Variants in RBFOX1 observed in about 807,000 individuals in gnomAD.
The protein encoded by RBFOX1 is RNA binding fox-1 homolog 1, also known as RNA binding protein fox-1 homolog 1.
A neutral mutation model predicts 57.7 loss-of-function variants in RBFOX1; 8 were observed. The observed-to-expected ratio is 0.14, with a 90% CI of 0.08 to 0.25. RBFOX1 has a LOEUF of 0.25. Ranked by LOEUF, RBFOX1 falls within the 10% of genes least tolerant of loss-of-function variation. RBFOX1 has a pLI of 1.00. For synonymous variants in RBFOX1, 326 were observed against 222.4 expected, an observed-to-expected ratio of 1.47 and a Z score of -4.15; for missense variants, 611 against 548.5, an observed-to-expected ratio of 1.11 and a Z score of -1.14.
intron 2 of RBFOX1, among the ~76,000 whole-genome samples, chr16:5,521,490 A>T (rs370422673): frequency 8.0e-5 from 12 of 149,144 alleles, no homozygotes; most frequent in African/African-American, 2.7e-4. Flanking sequence ...CCAGTGTCTC[A>T]TTGACCCGAA....
chr16:7,451,915 C>T (rs890545050), intron 4 of RBFOX1, among the ~76,000 whole-genome samples: 8 of 151,842 alleles, frequency 5.3e-5, no homozygotes, highest in South Asian at 2.1e-4. Context: ...GTGCCAGCAA[C>T]GATTTGTACC....
intron 3 of RBFOX1, among the ~76,000 whole-genome samples, chr16:6,713,232 C>G (rs186734756): frequency 2.0e-5 from 3 of 150,874 alleles, no homozygotes; most frequent in Admixed American, 2.0e-4. Flanking sequence ...TCTTTTCCTT[C>G]TCACATGCAA....
At chr16:5,790,875 T>G (rs1206593071) in intron 3 of RBFOX1, among the ~76,000 whole-genome samples, 2 of 64,276 alleles carry the variant, frequency 3.1e-5, no homozygotes, top group Non-Finnish European at 2.8e-5. Context: ...TTTTTTTTTG[T>G]TTTTTTTTTT....
chr16:7,188,265 A>G (rs2084421997), intron 4 of RBFOX1, among the ~76,000 whole-genome samples: 1 of 152,196 alleles, frequency 6.6e-6, no homozygotes, highest in Non-Finnish European at 1.5e-5. Context: ...CAGAGATGGA[A>G]AAGTTAACAT....
chr16:6,184,825 C>T (rs937513232), intron 1 of RBFOX1, among the ~76,000 whole-genome samples: 12 of 152,024 alleles, frequency 7.9e-5, no homozygotes, highest in African/African-American at 2.9e-4. Context: ...CCTCAGCCTT[C>T]CAAAGTGCTG....
At chr16:6,938,987 G>A (rs934913060) in intron 3 of RBFOX1, among the ~76,000 whole-genome samples, 1 of 152,106 alleles carries the variant, frequency 6.6e-6, no homozygotes, top group Non-Finnish European at 1.5e-5. Context: ...GGAATGCACT[G>A]TAACTGTTCT....
intron 6 of RBFOX1, among the ~76,000 whole-genome samples, chr16:7,585,929 C>T (rs929531893): frequency 6.6e-6 from 1 of 152,114 alleles, no homozygotes; most frequent in Non-Finnish European, 1.5e-5. Context: ...CCCCTCACCC[C>T]AGTCGCTCTG....
At chr16:6,843,518 C>G (rs555065186) in intron 3 of RBFOX1, among the ~76,000 whole-genome samples, 4 of 152,012 alleles carry the variant, frequency 2.6e-5, no homozygotes, top group African/African-American at 4.8e-5. Flanking sequence ...GAAACCCCGT[C>G]TGTACTAAAA....
At chr16:7,442,595 G>T (rs913180957) in intron 4 of RBFOX1, among the ~76,000 whole-genome samples, 1 of 152,116 alleles carries the variant, frequency 6.6e-6, no homozygotes, top group African/African-American at 2.4e-5. Flanking sequence ...CTAGCTTCAG[G>T]CCTAAACAGA....
At chr16:7,512,196 G>T (rs1255149305) in intron 4 of RBFOX1, among the ~76,000 whole-genome samples, 1 of 152,176 alleles carries the variant, frequency 6.6e-6, no homozygotes, top group South Asian at 2.1e-4. Flanking sequence ...AAATAATTTT[G>T]CCTGTCACTG....
At chr16:7,104,895 C>T (rs554745769) in intron 4 of RBFOX1, among the ~76,000 whole-genome samples, 6 of 152,156 alleles carry the variant, frequency 3.9e-5, no homozygotes, top group African/African-American at 1.2e-4. Flanking sequence ...ATCTCAGGTA[C>T]AGCCCCAACC....
At chr16:6,644,696 A>C (rs2098519440) in intron 2 of RBFOX1, among the ~76,000 whole-genome samples, 1 of 152,274 alleles carries the variant, frequency 6.6e-6, no homozygotes, top group Non-Finnish European at 1.5e-5. Context: ...GAATGACTGC[A>C]ATAATCAATT....
intron 1 of RBFOX1, among the ~76,000 whole-genome samples, chr16:6,126,053 G>A (rs1460709497): frequency 6.6e-6 from 1 of 152,156 alleles, no homozygotes; most frequent in Non-Finnish European, 1.5e-5. Context: ...TATGACAAAT[G>A]AGAAAAGAAT....
At chr16:6,793,618 C>T (rs978887597) in intron 3 of RBFOX1, among the ~76,000 whole-genome samples, 3 of 152,068 alleles carry the variant, frequency 2.0e-5, no homozygotes, top group Non-Finnish European at 4.4e-5. Flanking sequence ...AAACTGAAAG[C>T]TTTACTGTTA....
At chr16:7,655,370 C>G (rs566426712) in intron 12 of RBFOX1, among the ~76,000 whole-genome samples, 1 of 152,314 alleles carries the variant, frequency 6.6e-6, no homozygotes, top group African/African-American at 2.4e-5. Flanking sequence ...AGAGCTCTCT[C>G]TATGCATACA....
intron 3 of RBFOX1, among the ~76,000 whole-genome samples, chr16:6,880,584 T>G (rs1020394409): frequency 1.4e-4 from 22 of 152,158 alleles, no homozygotes; most frequent in African/African-American, 5.1e-4. Context: ...AATCTGTTTT[T>G]CTTTCTGGAC....
Position 6,259,407 on chromosome 16 carries a change from C to T in RBFOX1, c.-126-57588C>T, listed in dbSNP as rs149924584. On this transcript the variant is annotated intron_variant, in intron 1 of 15. Transcript: ENST00000550418. ...AGCCTAAGCAAGTGAAATAAGCTGC[C>T]TTCTTGGTCAGTGGAGACAGATATT... 1.6e-4 allele frequency among the ~76,000 whole-genome samples: 25 copies of T among 152,226 alleles called. No individual in the cohort carries two copies. In the East Asian group the frequency reaches 4.3e-3, roughly 26 times the overall value.
At chr16:5,446,398 A>G (rs1043731271) in intron 1 of RBFOX1, among the ~76,000 whole-genome samples, 1 of 152,190 alleles carries the variant, frequency 6.6e-6, no homozygotes, top group South Asian at 2.1e-4. Context: ...CTCACTGGAA[A>G]TGTTTCTTTC....
chr16:5,298,883 A>C (rs1292062682), intron 1 of RBFOX1, among the ~76,000 whole-genome samples: 2 of 74,664 alleles, frequency 2.7e-5, no homozygotes, highest in African/African-American at 1.0e-4. Context: ...AATATTTTGC[A>C]TAGGGCAGAC....
Sources: gnomAD v4.1 joint callset for allele counts (sites outside exome capture counted in the v4.1 genomes callset) on GRCh38, gnomAD v4.1.1 for gene constraint, MANE v1.5 for transcripts, NCBI Gene and HGNC (gene_info 2026-07-23, HGNC 2026-07-21) for gene names.